DIS3L2: variants seen among roughly 807,000 people sequenced by gnomAD.
DIS3L2 encodes the protein DIS3-like exonuclease 2.
DIS3L2 carries 34 observed loss-of-function variants against 97.5 expected under a neutral mutation model. The observed-to-expected ratio is 0.35, with a 90% CI of 0.27 to 0.46. The LOEUF is 0.46. Ranked by LOEUF, DIS3L2 falls within the 20% of genes least tolerant of loss-of-function variation. The pLI, the probability that DIS3L2 is intolerant of heterozygous loss-of-function variation, is 1.00. For synonymous variants in DIS3L2, 435 were observed against 445.2 expected, an observed-to-expected ratio of 0.98 and a Z score of 0.29; for missense variants, 1,038 against 1,146.0, an observed-to-expected ratio of 0.91 and a Z score of 1.36.
chr2:232,327,921 C>G (rs1220894796), intron 14 of DIS3L2, among the ~76,000 whole-genome samples: 1 of 152,186 alleles, frequency 6.6e-6, no homozygotes, highest in East Asian at 1.9e-4. Flanking sequence ...CATTGTGACC[C>G]CTGTCCTGCA....
intron 12 of DIS3L2, among the ~76,000 whole-genome samples, chr2:232,251,958 G>A (rs1693430030): frequency 6.6e-6 from 1 of 151,862 alleles, no homozygotes. Context: ...AGTAAATGAA[G>A]AAAGAGGAAG....
intron 11 of DIS3L2, among the ~76,000 whole-genome samples, chr2:232,246,779 T>C (rs1273058442): frequency 6.7e-6 from 1 of 149,984 alleles, no homozygotes; most frequent in Non-Finnish European, 1.5e-5. Flanking sequence ...AACCCCAAAT[T>C]CCAACATATA....
intron 1 of DIS3L2, among the ~76,000 whole-genome samples, chr2:232,012,289 T>C (rs1694223247): frequency 6.6e-6 from 1 of 152,166 alleles, no homozygotes; most frequent in Admixed American, 6.5e-5. Flanking sequence ...AAACATTCCT[T>C]GTCTCCCTGA....
Position 232,101,177 on chromosome 2 carries a change from A to T in DIS3L2, c.601+13456A>T, listed in dbSNP as rs182056458. ...AACCCGGGAGGCAGAGGTTGCAGTGAGCCAAGATTCATACCACTGCACTCC... is the reference window on the plus strand; with the variant it reads ...AACCCGGGAGGCAGAGGTTGCAGTGTGCCAAGATTCATACCACTGCACTCC... On this transcript the variant is annotated intron_variant, in intron 6 of 20. Transcript: ENST00000325385. 4.1e-4 allele frequency among the ~76,000 whole-genome samples: 62 copies of T among 151,788 alleles called. 1 individual carries two copies. The East Asian group carries it at 0.012, about 28-fold the overall frequency.
At chr2:232,236,557 T>C (rs926386323) in intron 10 of DIS3L2, among the ~76,000 whole-genome samples, 1 of 152,178 alleles carries the variant, frequency 6.6e-6, no homozygotes, top group Non-Finnish European at 1.5e-5. Flanking sequence ...CATAGATGTT[T>C]CCTGGCAGCT....
At position 232,087,645 on chromosome 2, in the gene DIS3L2, A is replaced by T. The variant is rs762513924; in HGVS notation, c.525A>T (p.Ser175=). 1.9e-6 allele frequency: 3 copies of T among 1,614,208 alleles called. No homozygotes were observed. Among genetic ancestry groups the T allele is most frequent in the Admixed American group, 1.7e-5 (1 of 60,028 alleles). The part of the protein sequence containing the change: ...IVEAQFDGSD[S]EDGHGITQNV... Reference sequence around the variant, plus strand: ...AGGCTCAGTTTGATGGCAGCGACTCAGAAGATGGACATGGCATCACACAAA... The same window carrying T: ...AGGCTCAGTTTGATGGCAGCGACTCTGAAGATGGACATGGCATCACACAAA... Residue 175 remains serine (S), a synonymous_variant, in exon 6 of 21, where the codon TCA becomes TCT. Coordinates refer to ENST00000325385, the MANE Select transcript of DIS3L2 (RefSeq NM_152383.5).
chr2:232,021,069 G>A (rs1694497779), intron 3 of DIS3L2, among the ~76,000 whole-genome samples: 1 of 152,128 alleles, frequency 6.6e-6, no homozygotes, highest in South Asian at 2.1e-4. Flanking sequence ...CAGTATGTTT[G>A]TGATTGCCAG....
chr2:232,286,231 G>A (rs1694427688), intron 13 of DIS3L2, among the ~76,000 whole-genome samples: 1 of 152,192 alleles, frequency 6.6e-6, no homozygotes, highest in South Asian at 2.1e-4. Context: ...CCCTGATGCT[G>A]GTGCTCTGGA....
At position 232,333,830 on chromosome 2, in the gene DIS3L2, C is replaced by T. The variant is rs763642963; in HGVS notation, c.2011-10C>T. On this transcript the variant is annotated splice_polypyrimidine_tract_variant and intron_variant, in intron 16 of 20. Coordinates refer to ENST00000325385, the MANE Select transcript of DIS3L2 (RefSeq NM_152383.5). ...GGGCTTGTCAGGCTCTGACCCATCC[C>T]GTCCCGCAGATGGCACTGTACTTCT... 6 of 1,605,662 alleles carry T rather than the reference C, an allele frequency of 3.7e-6. No individual in the cohort carries two copies. The highest frequency in any genetic ancestry group is 1.7e-5 in the Admixed American group (1 of 59,618).
intron 14 of DIS3L2, among the ~76,000 whole-genome samples, chr2:232,321,497 G>GCCGTGGC (rs989259304): frequency 3.3e-5 from 5 of 152,174 alleles, no homozygotes; most frequent in Non-Finnish European, 7.4e-5. Context: ...TCCCACTGCT[G>GCCGTGGC]CCGTGGCCCG....
intron 12 of DIS3L2, among the ~76,000 whole-genome samples, chr2:232,255,194 C>A (rs1693527330): frequency 6.6e-6 from 1 of 152,220 alleles, no homozygotes; most frequent in African/African-American, 2.4e-5. Flanking sequence ...AGGGGTAGCC[C>A]TGCATCAAGA....
At chr2:232,308,180 G>T (rs1026565880) in intron 14 of DIS3L2, among the ~76,000 whole-genome samples, 4 of 152,194 alleles carry the variant, frequency 2.6e-5, no homozygotes, top group African/African-American at 9.7e-5. Context: ...TAGTTATAAA[G>T]ACCTCGTAGT....
chr2:232,309,862 G>T, intron 14 of DIS3L2, among the ~76,000 whole-genome samples: 1 of 152,218 alleles, frequency 6.6e-6, no homozygotes, highest in East Asian at 1.9e-4. Context: ...TCTGAGTGAT[G>T]CCTCTTCCTG....
Position 232,290,036 on chromosome 2 carries a change from G to A in DIS3L2, c.1660-10004G>A, listed in dbSNP as rs539117894. Reference sequence around the variant, plus strand: ...GCAGTCAGCACTGGCACTTTCCTGTGGAAGCAGCTTTGGGTAACTGCATTC... The same window carrying A: ...GCAGTCAGCACTGGCACTTTCCTGTAGAAGCAGCTTTGGGTAACTGCATTC... On this transcript the variant is annotated intron_variant, in intron 13 of 20. Transcript: ENST00000325385. Among the ~76,000 whole-genome samples, 17 of 152,372 alleles carry A rather than the reference G, an allele frequency of 1.1e-4. No homozygotes were observed. The South Asian group carries it at 2.9e-3, about 26-fold the overall frequency.
At chr2:232,181,767 A>G (rs1452036221) in intron 9 of DIS3L2, among the ~76,000 whole-genome samples, 1 of 152,036 alleles carries the variant, frequency 6.6e-6, no homozygotes, top group East Asian at 1.9e-4. Context: ...ACCTCCAGAT[A>G]GCTGGGATAC....
chr2:232,337,659 C>T (rs1696007044), downstream of DIS3L2, among the ~76,000 whole-genome samples: 1 of 152,124 alleles, frequency 6.6e-6, no homozygotes. Flanking sequence ...CTGCCAGAAA[C>T]TAGGATGAAA....
chr2:232,121,059 C>T (rs1697889010), intron 6 of DIS3L2, among the ~76,000 whole-genome samples: 1 of 152,138 alleles, frequency 6.6e-6, no homozygotes, highest in South Asian at 2.1e-4. Flanking sequence ...CAGCTTCCAC[C>T]CTGTATTATT....
intron 13 of DIS3L2, among the ~76,000 whole-genome samples, chr2:232,297,116 CG>C (rs1168885579): frequency 1.3e-5 from 2 of 152,194 alleles, no homozygotes; most frequent in Admixed American, 1.3e-4. Flanking sequence ...ACTGCACCTC[CG>C]TAAGCCAAAT....
intron 13 of DIS3L2, among the ~76,000 whole-genome samples, chr2:232,264,015 G>A (rs557408106): frequency 2.0e-5 from 3 of 152,340 alleles, no homozygotes; most frequent in Non-Finnish European, 4.4e-5. Flanking sequence ...GCCCAGTTTC[G>A]TGGAAGACAA....
Sources: allele counts gnomAD v4.1 joint callset (sites outside exome capture counted in the v4.1 genomes callset), GRCh38; gene constraint gnomAD v4.1.1; transcripts MANE v1.5; gene names NCBI Gene and HGNC (gene_info 2026-07-23, HGNC 2026-07-21).